ADGRL3: variants seen among roughly 807,000 people sequenced by gnomAD.
The protein encoded by ADGRL3 is calcium-independent alpha-latrotoxin receptor 3.
ADGRL3 carries 62 observed loss-of-function variants against 153.5 expected under a neutral mutation model. The observed-to-expected ratio is 0.40, with a 90% CI of 0.33 to 0.50. The LOEUF is 0.50. Ranked by LOEUF, ADGRL3 falls within the 20% of genes least tolerant of loss-of-function variation. The pLI, the probability that ADGRL3 is intolerant of heterozygous loss-of-function variation, is 0.47. For synonymous variants in ADGRL3, 710 were observed against 672.5 expected, an observed-to-expected ratio of 1.06 and a Z score of -0.86; for missense variants, 1,641 against 1,859.4, an observed-to-expected ratio of 0.88 and a Z score of 2.16.
chr4:61,783,417 G>A (rs1296011874), intron 8 of ADGRL3, among the ~76,000 whole-genome samples: 1 of 152,012 alleles, frequency 6.6e-6, no homozygotes, highest in African/African-American at 2.4e-5. Flanking sequence ...TATATGGTAT[G>A]TCCACATGTG....
intron 10 of ADGRL3, 120 bp downstream of exon 10, chr4:61,893,078 C>G (rs1369976622): frequency 4.7e-6 from 2 of 428,902 alleles, no homozygotes; most frequent in East Asian, 3.7e-5. Flanking sequence ...TCCCTCCCTC[C>G]TTGTCTCTTT....
At chr4:61,366,406 T>G (rs1225430700) in intron 1 of ADGRL3, among the ~76,000 whole-genome samples, 1 of 152,224 alleles carries the variant, frequency 6.6e-6, no homozygotes, top group Non-Finnish European at 1.5e-5. Flanking sequence ...TCTGTATCAC[T>G]TTTCCCAGTG....
chr4:61,225,690 T>G (rs1287474970), intron 1 of ADGRL3, among the ~76,000 whole-genome samples: 5 of 152,186 alleles, frequency 3.3e-5, no homozygotes, highest in Non-Finnish European at 5.9e-5. Context: ...CATCTCTAGT[T>G]TTACTTCCTT....
intron 21 of ADGRL3, among the ~76,000 whole-genome samples, chr4:62,005,580 A>G (rs1164284752): frequency 6.6e-6 from 1 of 152,114 alleles, no homozygotes; most frequent in Admixed American, 6.6e-5. Context: ...AAAAATTAGC[A>G]GGTTCTCTGT....
chr4:61,510,412 C>T (rs2098457281), intron 3 of ADGRL3, among the ~76,000 whole-genome samples: 1 of 152,064 alleles, frequency 6.6e-6, no homozygotes, highest in South Asian at 2.1e-4. Context: ...GAATTTTAAT[C>T]CCTCTTGATT....
rs370068555 is a variant in ADGRL3 at position 61,644,656 on chromosome 4, T to G, written c.474-32170T>G. On this transcript the variant is annotated intron_variant, in intron 5 of 26. Transcript: ENST00000683033. ...TTGCACTGTGGTCTCAGAGATAGTT[T>G]GTTATAATTTCTGTTCTTTTACATT... 7.2e-5 allele frequency among the ~76,000 whole-genome samples: 11 copies of G among 152,324 alleles called. No homozygotes were observed. In the South Asian group the frequency reaches 1.9e-3, roughly 26 times the overall value.
intron 8 of ADGRL3, among the ~76,000 whole-genome samples, chr4:61,753,221 T>A (rs1223155079): frequency 6.9e-6 from 1 of 145,572 alleles, no homozygotes; most frequent in African/African-American, 2.7e-5. Flanking sequence ...GTAAGGCACA[T>A]TTCTGTGAAA....
chr4:61,504,965 A>G (rs2098417888), intron 3 of ADGRL3, among the ~76,000 whole-genome samples: 1 of 152,038 alleles, frequency 6.6e-6, no homozygotes, highest in Non-Finnish European at 1.5e-5. Context: ...TTTCTTTTCC[A>G]CATATACCCA....
intron 4 of ADGRL3, among the ~76,000 whole-genome samples, chr4:61,567,820 T>A (rs2149081953): frequency 6.6e-6 from 1 of 152,272 alleles, no homozygotes; most frequent in African/African-American, 2.4e-5. Context: ...TGCACCTCAA[T>A]TTGTACTATT....
At chr4:61,706,505 T>C (rs1315054574) in intron 6 of ADGRL3, among the ~76,000 whole-genome samples, 1 of 152,160 alleles carries the variant, frequency 6.6e-6, no homozygotes, top group East Asian at 1.9e-4. Context: ...TTATCTTTGC[T>C]AGATCTTCTG....
chr4:61,787,202 T>C (rs1375031681), intron 8 of ADGRL3, among the ~76,000 whole-genome samples: 3 of 152,138 alleles, frequency 2.0e-5, no homozygotes, highest in African/African-American at 7.2e-5. Context: ...TTTTCTCTAA[T>C]TGATATGTCA....
At chr4:62,033,376 A>G (rs1029394100) in intron 23 of ADGRL3, among the ~76,000 whole-genome samples, 1 of 151,822 alleles carries the variant, frequency 6.6e-6, no homozygotes, top group African/African-American at 2.4e-5. Context: ...TGGTGAAGAG[A>G]TGGCAGTCTG....
At chr4:61,437,341 A>G (rs1040127449) in intron 2 of ADGRL3, among the ~76,000 whole-genome samples, 28 of 152,238 alleles carry the variant, frequency 1.8e-4, no homozygotes, top group African/African-American at 6.5e-4. Flanking sequence ...TATTCTTTGC[A>G]TTTTTGTCAT....
At chr4:61,331,035 C>T (rs1334453348) in intron 1 of ADGRL3, among the ~76,000 whole-genome samples, 1 of 152,156 alleles carries the variant, frequency 6.6e-6, no homozygotes, top group Non-Finnish European at 1.5e-5. Context: ...CAGCATGGGT[C>T]AAGTGGTTCC....
chr4:61,452,909 G>T (rs1019059929), intron 2 of ADGRL3, among the ~76,000 whole-genome samples: 14 of 152,020 alleles, frequency 9.2e-5, no homozygotes, highest in Admixed American at 6.6e-5. Context: ...AAAAAATATT[G>T]TATAGACTAG....
intron 6 of ADGRL3, among the ~76,000 whole-genome samples, chr4:61,709,766 A>G (rs986609540): frequency 1.3e-5 from 2 of 152,196 alleles, no homozygotes; most frequent in African/African-American, 4.8e-5. Flanking sequence ...AAAAATTTGT[A>G]TTCTGCCAGT....
chr4:61,881,488 C>T (rs1010420637), intron 9 of ADGRL3, among the ~76,000 whole-genome samples: 3 of 152,172 alleles, frequency 2.0e-5, no homozygotes, highest in African/African-American at 7.2e-5. Flanking sequence ...AAGCAATTCT[C>T]CTGACTCAGC....
intron 8 of ADGRL3, among the ~76,000 whole-genome samples, chr4:61,784,107 C>T (rs769083977): frequency 1.3e-5 from 2 of 151,954 alleles, no homozygotes; most frequent in African/African-American, 2.4e-5. Context: ...TGTCCTTGGC[C>T]CTCTCTTGCT....
In ADGRL3 at chr4:61,821,189, C is replaced by CAAA. The variant is rs34391051; in HGVS notation, c.1480+7316_1480+7318dup. 1.0e-3 allele frequency among the ~76,000 whole-genome samples: 112 copies of CAAA among 107,790 alleles called. 1 individual carries two copies. The highest frequency in any genetic ancestry group is 3.0e-3 in the African/African-American group (91 of 30,712). 70.7% of individuals were successfully genotyped at this position (107,790 alleles called of 152,430 possible). On this transcript the variant is annotated intron_variant, in intron 9 of 26. Transcript: ENST00000683033. ...AGTTAGACAAATTCCTGCCAATTAC[C>CAAA]AAAAAAAAAAAAAAAAAAGACATTA...
Sources: gnomAD v4.1 joint callset for allele counts (sites outside exome capture counted in the v4.1 genomes callset) on GRCh38, gnomAD v4.1.1 for gene constraint, MANE v1.5 for transcripts, NCBI Gene and HGNC (gene_info 2026-07-23, HGNC 2026-07-21) for gene names.